ANO10: variants seen among roughly 807,000 people sequenced by gnomAD.
ANO10 encodes the protein anoctamin 10.
In ANO10, 77 loss-of-function variants were observed where a neutral mutation model predicts 74.7. That is an observed-to-expected ratio of 1.03 (90% CI 0.86 to 1.25). The LOEUF (loss-of-function observed/expected upper bound fraction) is 1.25, where lower values mean the gene tolerates loss of function less well. Among genes scored for constraint, ANO10 ranks in the 50% most tolerant of loss-of-function variants. The pLI, the probability that ANO10 is intolerant of heterozygous loss-of-function variation, is 0.00. For synonymous variants in ANO10, 279 were observed against 284.9 expected (o/e 0.98, Z 0.21); for missense variants, 721 against 778.1 (o/e 0.93, Z 0.87).
At chr3:43,686,469 A>G (rs890557917) in intron 1 of ANO10, among the ~76,000 whole-genome samples, 1 of 152,076 alleles carries the variant, frequency 6.6e-6, no homozygotes, top group Non-Finnish European at 1.5e-5. Flanking sequence ...CACTTTTGGT[A>G]GAGATGGGGT....
At chr3:43,687,312 A>C (rs2084288239) in intron 1 of ANO10, among the ~76,000 whole-genome samples, 1 of 152,190 alleles carries the variant, frequency 6.6e-6, no homozygotes. Context: ...AGCCCTCATA[A>C]AACATCCCCT....
intron 4 of ANO10, among the ~76,000 whole-genome samples, chr3:43,592,120 C>T (rs919089641): frequency 6.7e-4 from 102 of 152,338 alleles, no homozygotes; most frequent in Non-Finnish European, 1.2e-3. Context: ...TGGGTGGAGC[C>T]GACCACAGCT....
intron 8 of ANO10, among the ~76,000 whole-genome samples, chr3:43,563,086 T>C (rs890611955): frequency 1.3e-5 from 2 of 152,158 alleles, no homozygotes; most frequent in African/African-American, 2.4e-5. Flanking sequence ...AACTAATACC[T>C]AGAATACCAG....
chr3:43,382,587 A>T (rs1012045119), intron 12 of ANO10, among the ~76,000 whole-genome samples: 2 of 152,086 alleles, frequency 1.3e-5, no homozygotes, highest in African/African-American at 2.4e-5. Context: ...AAACAAAAAC[A>T]ATACAAAAGA....
chr3:43,617,937 G>C (rs1292671841), intron 1 of ANO10: 1 of 152,192 alleles, frequency 6.6e-6, no homozygotes, highest in African/African-American at 2.4e-5. Flanking sequence ...ATCTCCATAG[G>C]ACAAAAGTTG....
chr3:43,472,440 G>C (rs543799441), intron 11 of ANO10: 12 of 146,780 alleles, frequency 8.2e-5, no homozygotes, highest in Middle Eastern at 7.2e-3. Context: ...AGGGGGAAAG[G>C]GTGATAGGAC....
intron 12 of ANO10, among the ~76,000 whole-genome samples, chr3:43,382,446 G>C (rs1575614187): frequency 6.6e-6 from 1 of 151,378 alleles, no homozygotes; most frequent in Non-Finnish European, 1.5e-5. Flanking sequence ...GTGAACCCGG[G>C]AGGCGGAGCT....
chr3:43,461,419 A>T (rs974647210), intron 11 of ANO10, among the ~76,000 whole-genome samples: 1 of 152,174 alleles, frequency 6.6e-6, no homozygotes, highest in Non-Finnish European at 1.5e-5. Context: ...AGTATATAAA[A>T]CATTTAAGGA....
At chr3:43,387,097 G>C (rs78301985) in intron 12 of ANO10, among the ~76,000 whole-genome samples, 14,626 of 152,158 alleles carry the variant, frequency 0.096, 945 homozygotes, top group Non-Finnish European at 0.14. Context: ...CACTTATATG[G>C]ACCTAGGTGA....
chr3:43,528,423 TAAG>T (rs1192794019), intron 11 of ANO10, among the ~76,000 whole-genome samples: 1 of 151,358 alleles, frequency 6.6e-6, no homozygotes, highest in African/African-American at 2.4e-5. Context: ...AAACTTCAGA[TAAG>T]AAGTACAAAA....
chr3:43,457,431 C>A (rs2075178987), intron 11 of ANO10, among the ~76,000 whole-genome samples: 1 of 152,176 alleles, frequency 6.6e-6, no homozygotes, highest in Non-Finnish European at 1.5e-5. Context: ...GAAGCAAGCA[C>A]CTTTTTCAGA....
chr3:43,484,300 C>T (rs1287964899), intron 11 of ANO10, among the ~76,000 whole-genome samples: 2 of 152,102 alleles, frequency 1.3e-5, no homozygotes, highest in African/African-American at 4.8e-5. Context: ...TCTTGTTATG[C>T]AGATGAAGCC....
At chr3:43,408,455 C>G (rs1366808301) in intron 12 of ANO10, among the ~76,000 whole-genome samples, 2 of 152,178 alleles carry the variant, frequency 1.3e-5, no homozygotes, top group East Asian at 3.9e-4. Context: ...GGTTTTTCAA[C>G]TTAGAGCTTG....
intron 1 of ANO10, among the ~76,000 whole-genome samples, chr3:43,638,474 T>C (rs949119664): frequency 6.6e-6 from 1 of 152,242 alleles, no homozygotes; most frequent in Non-Finnish European, 1.5e-5. Flanking sequence ...ATGTTGGCTA[T>C]TCAGTCTGCT....
chr3:43,467,554 A>G (rs2075679105), intron 11 of ANO10, among the ~76,000 whole-genome samples: 1 of 152,236 alleles, frequency 6.6e-6, no homozygotes, highest in African/African-American at 2.4e-5. Flanking sequence ...ATCTGTAGTG[A>G]CAAGAAAGCA....
intron 12 of ANO10, chr3:43,372,580 T>C (rs566410279): frequency 4.6e-5 from 22 of 476,510 alleles, no homozygotes; most frequent in African/African-American, 3.7e-4. Context: ...TGCCACTCAG[T>C]CCTCAGCCTG....
At chr3:43,437,036 C>A (rs540930022) in intron 11 of ANO10, among the ~76,000 whole-genome samples, 4 of 152,070 alleles carry the variant, frequency 2.6e-5, no homozygotes, top group South Asian at 4.2e-4. Flanking sequence ...AAATTACATG[C>A]CAAATGCAAA....
intron 11 of ANO10, among the ~76,000 whole-genome samples, chr3:43,484,584 T>G (rs73832604): frequency 0.04 from 6,040 of 152,160 alleles, 377 homozygotes; most frequent in African/African-American, 0.14. Context: ...CCAGAATCAG[T>G]TTGGAATTTG....
At chr3:43,374,846 C>T (rs752037358) in intron 12 of ANO10, among the ~76,000 whole-genome samples, 4 of 152,154 alleles carry the variant, frequency 2.6e-5, no homozygotes, top group East Asian at 3.9e-4. Context: ...ACTGGCCGGG[C>T]GCGGTGGCTC....
Sources: allele counts gnomAD v4.1 joint callset (sites outside exome capture counted in the v4.1 genomes callset), GRCh38; gene constraint gnomAD v4.1.1; transcripts MANE v1.5; gene names NCBI Gene and HGNC (gene_info 2026-07-23, HGNC 2026-07-21).